NFIB: variants seen among roughly 807,000 people sequenced by gnomAD.
NFIB encodes the protein nuclear factor I B.
NFIB carries 11 observed loss-of-function variants against 61.5 expected under a neutral mutation model. That is an observed-to-expected ratio of 0.18 (90% CI 0.11 to 0.30). The LOEUF is 0.30. Among genes scored for constraint, NFIB ranks in the 10% least tolerant of loss-of-function variants. The probability of loss-of-function intolerance (pLI) is 1.00; values close to 1 mark genes in which losing one functional copy is unlikely to be tolerated. For synonymous variants in NFIB, 260 were observed against 216.5 expected, an observed-to-expected ratio of 1.20 and a Z score of -1.76; for missense variants, 471 against 608.9, an observed-to-expected ratio of 0.77 and a Z score of 2.38.
At chr9:14,213,820 C>T (rs1464767079) in intron 2 of NFIB, among the ~76,000 whole-genome samples, 3 of 152,114 alleles carry the variant, frequency 2.0e-5, no homozygotes, top group Non-Finnish European at 4.4e-5. Flanking sequence ...CTCATCTGTG[C>T]TCTTAGGAAA....
intron 2 of NFIB, among the ~76,000 whole-genome samples, chr9:14,254,649 TATA>T (rs1444813105): frequency 6.6e-6 from 1 of 152,232 alleles, no homozygotes; most frequent in Non-Finnish European, 1.5e-5. Context: ...GCCCATCTGC[TATA>T]ATATTAGTGT....
chr9:14,364,190 G>A (rs538495298), intron 1 of NFIB, among the ~76,000 whole-genome samples: 256 of 152,262 alleles, frequency 1.7e-3, no homozygotes, highest in African/African-American at 5.2e-3. Context: ...GTAAGAAATT[G>A]TCTGTTTCCC....
chr9:14,349,452 C>T lies in NFIB; in HGVS notation c.109-41932G>A, dbSNP rs540890250. Among the ~76,000 whole-genome samples, 4 of 152,258 alleles carry T rather than the reference C, an allele frequency of 2.6e-5. No individual in the cohort carries two copies. The South Asian group carries it at 8.3e-4, about 32-fold the overall frequency. On this transcript the variant is annotated intron_variant, in intron 1 of 8. Transcript: ENST00000380934. ...TCCCCGAGACGCCAAAGGCATTCCG[C>T]GTTATGTTTCCCATGCGGGTTTCTG... is the stretch of plus-strand genomic sequence containing the variant.
At chr9:14,098,703 C>T (rs1167384945) in intron 10 of NFIB, among the ~76,000 whole-genome samples, 2 of 152,214 alleles carry the variant, frequency 1.3e-5, no homozygotes, top group African/African-American at 4.8e-5. Context: ...GTGAGCCCTT[C>T]ACCCAACCAA....
chr9:14,225,639 C>G (rs2052298720), intron 2 of NFIB, among the ~76,000 whole-genome samples: 1 of 151,696 alleles, frequency 6.6e-6, no homozygotes, highest in South Asian at 2.1e-4. Flanking sequence ...ATCATCATTG[C>G]TTATAATATT....
chr9:14,119,060 G>A (rs536287063), intron 8 of NFIB, among the ~76,000 whole-genome samples: 6 of 151,682 alleles, frequency 4.0e-5, no homozygotes, highest in South Asian at 2.1e-4. Flanking sequence ...CTGAATTAAC[G>A]TTAAGGACTT....
intron 1 of NFIB, among the ~76,000 whole-genome samples, chr9:14,397,631 A>T (rs886388678): frequency 6.6e-6 from 1 of 152,202 alleles, no homozygotes; most frequent in African/African-American, 2.4e-5. Context: ...ATTCAAGACC[A>T]TATGAAGTCA....
chr9:14,476,249 T>G, the NFIB span, among the ~76,000 whole-genome samples: 2 of 151,640 alleles, frequency 1.3e-5, no homozygotes, highest in East Asian at 1.9e-4. Flanking sequence ...GCTTTTTGTT[T>G]TTTTTTTTTT....
At chr9:14,424,521 C>T in the NFIB span, among the ~76,000 whole-genome samples, 1 of 152,160 alleles carries the variant, frequency 6.6e-6, no homozygotes, top group Non-Finnish European at 1.5e-5. Context: ...TTACGCGGGG[C>T]GACCTGCAGA....
the NFIB span, among the ~76,000 whole-genome samples, chr9:14,431,882 C>G: frequency 0.011 from 1,730 of 152,230 alleles, 30 homozygotes; most frequent in African/African-American, 0.04. Flanking sequence ...GACTTCCCCT[C>G]CCCCACTGCT....
intron 10 of NFIB, 70 bp downstream of exon 10, chr9:14,112,927 TGA>T: frequency 6.9e-7 from 1 of 1,442,058 alleles, no homozygotes; most frequent in Non-Finnish European, 9.5e-7. Flanking sequence ...AGTCCGGATC[TGA>T]GAGGCAACAT....
chr9:14,387,869 A>G (rs2061567128), intron 1 of NFIB, among the ~76,000 whole-genome samples: 1 of 152,322 alleles, frequency 6.6e-6, no homozygotes, highest in Non-Finnish European at 1.5e-5. Context: ...ATACTCATAG[A>G]GCACAGTGGG....
intron 1 of NFIB, among the ~76,000 whole-genome samples, chr9:14,371,054 C>T (rs1323712149): frequency 2.0e-5 from 3 of 152,146 alleles, no homozygotes; most frequent in Non-Finnish European, 2.9e-5. Flanking sequence ...GAGATTGTGC[C>T]ACTGCACTCC....
At chr9:14,391,622 G>C (rs1455188490) in intron 1 of NFIB, among the ~76,000 whole-genome samples, 1 of 152,104 alleles carries the variant, frequency 6.6e-6, no homozygotes, top group South Asian at 2.1e-4. Context: ...CCTCGAGTGA[G>C]CACACGTACA....
chr9:14,526,815 G>C, the NFIB span, among the ~76,000 whole-genome samples: 1 of 152,084 alleles, frequency 6.6e-6, no homozygotes, highest in Non-Finnish European at 1.5e-5. Flanking sequence ...ATCAACACCA[G>C]CTTTCCCATA....
chr9:14,453,612 C>T, the NFIB span, among the ~76,000 whole-genome samples: 1 of 152,138 alleles, frequency 6.6e-6, no homozygotes, highest in Non-Finnish European at 1.5e-5. Flanking sequence ...TTAGTTTACT[C>T]ATTTATTTCT....
chr9:14,469,985 G>T, the NFIB span, among the ~76,000 whole-genome samples: 1 of 152,194 alleles, frequency 6.6e-6, no homozygotes, highest in South Asian at 2.1e-4. Flanking sequence ...GTGTTTTAAA[G>T]AACTATTGCA....
Position 14,155,881 on chromosome 9 carries a change from T to C in NFIB, c.629A>G (p.Asp210Gly), listed in dbSNP as rs2043336557. 1 of 1,574,722 alleles carries C rather than the reference T, an allele frequency of 6.4e-7. No individual in the cohort carries two copies. The highest frequency in any genetic ancestry group is 8.7e-7 in the Non-Finnish European group (1 of 1,155,690). ...PAKNPPGYLE[D>G]SFVKSGVFNV... ...GAAGACTCCAGATTTTACAAAACTA[T>C]CCTCAAGGTAACCTGAAAATAAATA... The change falls in exon 4 of 11, where the codon GAT becomes GGT. Residue 210 changes from aspartate (D) to glycine (G), a missense_variant. By Grantham distance (94) the Asp-to-Gly change is moderately conservative. Around this residue, in one of 2 missense-constraint regions of NFIB, gnomAD observed 372 missense variants for 395.6 expected, o/e 0.94. Transcript: ENST00000380953.
At chr9:14,145,650 C>CA (rs1454433781) in intron 6 of NFIB, among the ~76,000 whole-genome samples, 2 of 125,908 alleles carry the variant, frequency 1.6e-5, no homozygotes, top group Admixed American at 7.9e-5. Flanking sequence ...TTCTTTTAGA[C>CA]TTTTTTTTTT....
Sources: allele counts gnomAD v4.1 joint callset (sites outside exome capture counted in the v4.1 genomes callset), GRCh38; gene constraint gnomAD v4.1.1; regional missense constraint gnomAD v4.1.1; transcripts MANE v1.5; gene names NCBI Gene and HGNC (gene_info 2026-07-23, HGNC 2026-07-21).